Variants in RABGEF1 observed in about 807,000 individuals in gnomAD.
RABGEF1 encodes the protein rab5 GDP/GTP exchange factor.
In RABGEF1, 26 loss-of-function variants were observed where a neutral mutation model predicts 57.3. That is an observed-to-expected ratio of 0.45 (90% CI 0.33 to 0.63). The LOEUF is 0.63. Among genes scored for constraint, RABGEF1 ranks in the 20% least tolerant of loss-of-function variants. RABGEF1 has a pLI of 0.02. For synonymous variants in RABGEF1, 185 were observed against 210.7 expected, an observed-to-expected ratio of 0.88 and a Z score of 1.06; for missense variants, 464 against 607.6, an observed-to-expected ratio of 0.76 and a Z score of 2.48.
chr7:66,727,386 C>T (rs1037452079), intron 2 of RABGEF1, among the ~76,000 whole-genome samples: 3 of 152,324 alleles, frequency 2.0e-5, no homozygotes, highest in Non-Finnish European at 4.4e-5. Context: ...CCTCCCTGGC[C>T]ACCCCATCCC....
chr7:66,727,784 C>T (rs1259614092), intron 2 of RABGEF1, among the ~76,000 whole-genome samples: 2 of 152,264 alleles, frequency 1.3e-5, no homozygotes, highest in Admixed American at 6.5e-5. Flanking sequence ...GTCCAGGCAT[C>T]GATTATGGAG....
At chr7:66,662,238 CAAA>C in the RABGEF1 span, among the ~76,000 whole-genome samples, 4 of 88,140 alleles carry the variant, frequency 4.5e-5, no homozygotes, top group Admixed American at 2.4e-4. Context: ...GACTCCGTCT[CAAA>C]AAAAAAAAAA....
In RABGEF1 at chr7:66,809,629, G is replaced by GT. The variant is rs2129201260; in HGVS notation, c.*346dup. On this transcript the variant is annotated 3_prime_UTR_variant, in exon 9 of 9. Transcript: ENST00000284957. Reference sequence around the variant, plus strand: ...ATTAAACAAATGAATGCTACAAAGTGTATGTTCAAGAAAATTAAATGGTAC... The same window carrying GT: ...ATTAAACAAATGAATGCTACAAAGTGTTATGTTCAAGAAAATTAAATGGTAC... 1 of 177,132 alleles carries GT rather than the reference G, an allele frequency of 5.6e-6. No homozygotes were observed. The highest frequency in any genetic ancestry group is 2.4e-5 in the African/African-American group (1 of 42,452). 11.0% of individuals were successfully genotyped at this position (177,132 alleles called of 1,614,324 possible). A position where few individuals can be genotyped will look rare whatever the true frequency, so the allele number is the denominator to read the frequency against.
chr7:66,741,457 T>G (rs924226768), intron 1 of RABGEF1, among the ~76,000 whole-genome samples: 4 of 152,034 alleles, frequency 2.6e-5, no homozygotes, highest in Admixed American at 1.3e-4. Context: ...CACGGCAGTT[T>G]AGGGAGAGAG....
At chr7:66,667,401 C>T in the RABGEF1 span, 9 of 152,284 alleles carry the variant, frequency 5.9e-5, no homozygotes, top group Non-Finnish European at 1.0e-4. Context: ...AATGCAGCCT[C>T]GGTGGAAGAT....
At chr7:66,689,009 C>T (rs182324927) in intron 1 of RABGEF1, among the ~76,000 whole-genome samples, 62 of 152,268 alleles carry the variant, frequency 4.1e-4, no homozygotes, top group African/African-American at 1.4e-3. Context: ...AGGAGAATTC[C>T]TTGAACCTGG....
intron 1 of RABGEF1, among the ~76,000 whole-genome samples, chr7:66,767,011 T>C (rs917904072): frequency 5.9e-4 from 87 of 148,382 alleles, no homozygotes; most frequent in Non-Finnish European, 9.5e-4. Context: ...TTTTTTTTTT[T>C]TTTTTTTTTG....
At chr7:66,746,209 TA>T (rs1346213880) in intron 1 of RABGEF1, among the ~76,000 whole-genome samples, 1 of 152,248 alleles carries the variant, frequency 6.6e-6, no homozygotes, top group Non-Finnish European at 1.5e-5. Flanking sequence ...GAAAACATTA[TA>T]CTTTTATGGT....
chr7:66,789,153 T>G (rs1224093531), intron 4 of RABGEF1, among the ~76,000 whole-genome samples: 1 of 152,188 alleles, frequency 6.6e-6, no homozygotes, highest in African/African-American at 2.4e-5. Flanking sequence ...ACTATATATT[T>G]AATCAAGGAG....
At chr7:66,659,580 G>A in the RABGEF1 span, among the ~76,000 whole-genome samples, 8 of 152,058 alleles carry the variant, frequency 5.3e-5, no homozygotes, top group South Asian at 1.2e-3. Flanking sequence ...AAGAGTTCAA[G>A]ACCAGCCTGG....
chr7:66,805,919 T>C (rs978437151), intron 8 of RABGEF1, among the ~76,000 whole-genome samples: 56 of 151,720 alleles, frequency 3.7e-4, no homozygotes, highest in African/African-American at 1.4e-3. Context: ...CAATTTTTTT[T>C]TTTTTTTGAG....
At chr7:66,796,765 AT>A in intron 5 of RABGEF1, 1 of 320,558 alleles carries the variant, frequency 3.1e-6, no homozygotes, top group Non-Finnish European at 6.1e-6. Flanking sequence ...TAATTTTTGT[AT>A]TTTTATTAGA....
intron 1 of RABGEF1, among the ~76,000 whole-genome samples, chr7:66,769,687 A>G (rs1806600366): frequency 6.6e-6 from 1 of 152,228 alleles, no homozygotes; most frequent in South Asian, 2.1e-4. Context: ...GCTAGAAGAC[A>G]GAACTCTACA....
intron 1 of RABGEF1, among the ~76,000 whole-genome samples, chr7:66,692,089 A>G (rs1165685779): frequency 1.3e-5 from 2 of 152,116 alleles, no homozygotes; most frequent in African/African-American, 4.8e-5. Flanking sequence ...AAATAAATAA[A>G]TAAATAAAAG....
chr7:66,682,560 C>T (rs1002251725), intron 1 of RABGEF1, among the ~76,000 whole-genome samples: 1 of 152,194 alleles, frequency 6.6e-6, no homozygotes. Context: ...CCTCCCTGTC[C>T]GGCGGCTCCC....
upstream of RABGEF1, among the ~76,000 whole-genome samples, chr7:66,680,803 C>T (rs1390505499): frequency 2.0e-5 from 3 of 151,676 alleles, no homozygotes; most frequent in Non-Finnish European, 4.4e-5. Context: ...AAAAATTAGC[C>T]GGGTGCGGAG....
the RABGEF1 span, among the ~76,000 whole-genome samples, chr7:66,661,527 C>G: frequency 6.6e-6 from 1 of 151,502 alleles, no homozygotes; most frequent in African/African-American, 2.4e-5. Flanking sequence ...TTTTGGAGTG[C>G]ACTGCATTGC....
At chr7:66,655,037 C>T in the RABGEF1 span, among the ~76,000 whole-genome samples, 1 of 152,244 alleles carries the variant, frequency 6.6e-6, no homozygotes, top group Non-Finnish European at 1.5e-5. Context: ...GGGCCCCTCC[C>T]ATGACCTCTC....
chr7:66,714,190 G>A (rs1795097843), intron 2 of RABGEF1, among the ~76,000 whole-genome samples: 1 of 152,136 alleles, frequency 6.6e-6, no homozygotes, highest in African/African-American at 2.4e-5. Context: ...AAATTATCTA[G>A]GCCTTGAGAT....
Sources: allele counts gnomAD v4.1 joint callset (sites outside exome capture counted in the v4.1 genomes callset), GRCh38; gene constraint gnomAD v4.1.1; transcripts MANE v1.5; gene names NCBI Gene and HGNC (gene_info 2026-07-23, HGNC 2026-07-21).